Variants in SBK1 observed in about 807,000 individuals in gnomAD.
SBK1 encodes the protein serine/threonine-protein kinase SBK1.
SBK1 carries 11 observed loss-of-function variants against 24.4 expected under a neutral mutation model. The ratio of observed to expected loss-of-function variants is 0.45; its 90% CI spans 0.28 to 0.75. The LOEUF (loss-of-function observed/expected upper bound fraction) is 0.75. Ranked by LOEUF, SBK1 falls within the 30% of genes least tolerant of loss-of-function variation. SBK1 has a pLI of 0.12. For synonymous variants in SBK1, 308 were observed against 284.4 expected (o/e 1.08, Z -0.83); for missense variants, 467 against 620.5 (o/e 0.75, Z 2.63).
At chr16:28,284,423 C>G (rs1254306983) in intron 1 of SBK1, among the ~76,000 whole-genome samples, 1 of 152,236 alleles carries the variant, frequency 6.6e-6, no homozygotes, top group Non-Finnish European at 1.5e-5. Flanking sequence ...GCACACACCC[C>G]CATGGGCATG....
chr16:28,267,240 G>A (rs575602404), intron 1 of SBK1, among the ~76,000 whole-genome samples: 4 of 152,146 alleles, frequency 2.6e-5, no homozygotes, highest in Admixed American at 2.0e-4. Flanking sequence ...TGGGGTGGGG[G>A]GAGGCGGAGG....
At chr16:28,275,763 G>A (rs1261360440) in intron 1 of SBK1, among the ~76,000 whole-genome samples, 2 of 152,084 alleles carry the variant, frequency 1.3e-5, no homozygotes, top group Non-Finnish European at 2.9e-5. Context: ...TGTAGTAACA[G>A]CTACTCAGGA....
At chr16:28,309,029 T>G (rs72791859) in intron 1 of SBK1, among the ~76,000 whole-genome samples, 2,009 of 152,074 alleles carry the variant, frequency 0.013, 27 homozygotes, top group Admixed American at 0.022. Flanking sequence ...AGCCCCCATA[T>G]CCCAGCAGCC....
rs2141949086 is a variant in SBK1 at position 28,259,945 on chromosome 16, C to T, written c.257+443C>T. Among the ~76,000 whole-genome samples the T allele has an allele frequency of 6.6e-6, 1 of 150,566 alleles. No homozygotes were observed. Among genetic ancestry groups the T allele is most frequent in the African/African-American group, 2.5e-5 (1 of 39,986 alleles). Reference sequence around the variant, plus strand: ...CATCCAGGCCCAGCTGCAACGCTTCCTCCTTCAGGAAGCCCTCCTGGATGT... The same window carrying T: ...CATCCAGGCCCAGCTGCAACGCTTCTTCCTTCAGGAAGCCCTCCTGGATGT... On this transcript the variant is annotated intron_variant, in intron 1 of 3. Transcript: ENST00000671413. This position sits in a 1 kb window ranked among gnomAD's most constrained non-coding sequence, Gnocchi z 6.0.
intron 1 of SBK1, among the ~76,000 whole-genome samples, chr16:28,298,425 A>G (rs1214064455): frequency 1.3e-5 from 2 of 152,150 alleles, no homozygotes; most frequent in East Asian, 3.9e-4. Flanking sequence ...TGGGCCACCA[A>G]AGGTTTGTGT....
rs2044850340 is a variant in SBK1 at position 28,321,696 on chromosome 16, C to T, written c.*775C>T. On this transcript the variant is annotated 3_prime_UTR_variant, in exon 4 of 4. Coordinates refer to ENST00000341901, the MANE Select transcript of SBK1 (RefSeq NM_001024401.3). ...CACTGGCTGAGAAATAGAGCTCTCT[C>T]CCCGCCCCTCCCCCTAACCACAAGG... 1 of 152,626 alleles carries T rather than the reference C, an allele frequency of 6.6e-6. No homozygotes were observed. The highest frequency in any genetic ancestry group is 1.5e-5 in the Non-Finnish European group (1 of 68,094). 9.5% of individuals were successfully genotyped at this position (152,626 alleles called of 1,614,324 possible).
chr16:28,266,952 G>A (rs1380679821), intron 1 of SBK1, among the ~76,000 whole-genome samples: 1 of 151,842 alleles, frequency 6.6e-6, no homozygotes, highest in Non-Finnish European at 1.5e-5. Flanking sequence ...TGTCGCCCAG[G>A]CTGGAGTGCA....
intron 1 of SBK1, among the ~76,000 whole-genome samples, chr16:28,283,442 T>C (rs2044546079): frequency 2.6e-5 from 4 of 152,290 alleles, no homozygotes; most frequent in South Asian, 2.1e-4. Context: ...GGCCTCCTCC[T>C]CTGAGGGGTT....
intron 1 of SBK1, among the ~76,000 whole-genome samples, chr16:28,267,457 C>T (rs2044436468): frequency 6.6e-6 from 1 of 152,200 alleles, no homozygotes; most frequent in African/African-American, 2.4e-5. Context: ...CCTTCTCAAG[C>T]TTCTTAACCT....
At chr16:28,293,882 C>T (rs1310031737) in intron 1 of SBK1, among the ~76,000 whole-genome samples, 1 of 152,086 alleles carries the variant, frequency 6.6e-6, no homozygotes, top group East Asian at 1.9e-4. Context: ...GCGGTCTTTA[C>T]CTAAACCATA....
chr16:28,298,630 G>A (rs1250824115), intron 1 of SBK1, among the ~76,000 whole-genome samples: 7 of 152,252 alleles, frequency 4.6e-5, no homozygotes, highest in Non-Finnish European at 1.5e-5. Context: ...AGCAGGGCCT[G>A]CTGCTTAAGT....
intron 1 of SBK1, among the ~76,000 whole-genome samples, chr16:28,304,175 G>C (rs1253122832): frequency 6.6e-6 from 1 of 152,222 alleles, no homozygotes; most frequent in African/African-American, 2.4e-5. Context: ...CTGTCATTCA[G>C]AGTTTGGTCA....
At chr16:28,303,699 G>T (rs907306490) in intron 1 of SBK1, among the ~76,000 whole-genome samples, 8 of 151,716 alleles carry the variant, frequency 5.3e-5, no homozygotes, top group Admixed American at 3.9e-4. Context: ...AAAAAAATTT[G>T]TAGAGATGGG....
intron 1 of SBK1, among the ~76,000 whole-genome samples, chr16:28,272,619 C>CTTTCTTTTTTTTTTTTTTT (rs746450878): frequency 1.9e-5 from 2 of 105,966 alleles, no homozygotes; most frequent in African/African-American, 7.0e-5. Flanking sequence ...TTCTTTCTTT[C>CTTTCTTTTTTTTTTTTTTT]TTTTTTTTTT....
At chr16:28,318,100 A>G (rs572237452) in intron 2 of SBK1, among the ~76,000 whole-genome samples, 2 of 152,282 alleles carry the variant, frequency 1.3e-5, no homozygotes, top group East Asian at 3.9e-4. Flanking sequence ...AGGGAGACCT[A>G]GGCCAATTCA....
At chr16:28,304,624 T>C (rs2044702731) in intron 1 of SBK1, among the ~76,000 whole-genome samples, 1 of 152,192 alleles carries the variant, frequency 6.6e-6, no homozygotes, top group African/African-American at 2.4e-5. Context: ...TTGTTTTTTT[T>C]TGAGACGGAG....
chr16:28,294,277 G>A (rs1479043828), intron 1 of SBK1, among the ~76,000 whole-genome samples: 4 of 152,178 alleles, frequency 2.6e-5, no homozygotes. Context: ...CAGATCCTGA[G>A]AAGGGGCTGG....
intron 1 of SBK1, among the ~76,000 whole-genome samples, chr16:28,271,343 G>A (rs888986762): frequency 1.3e-5 from 2 of 152,184 alleles, no homozygotes; most frequent in African/African-American, 4.8e-5. Flanking sequence ...GATCACCTGA[G>A]GTCGGGAGTT....
At chr16:28,261,933 G>A (rs2044400279) in intron 1 of SBK1, among the ~76,000 whole-genome samples, 1 of 152,162 alleles carries the variant, frequency 6.6e-6, no homozygotes, top group Admixed American at 6.5e-5. Context: ...CCTGCCCTGG[G>A]AGTATGGTAG....
Sources: allele counts gnomAD v4.1 joint callset (sites outside exome capture counted in the v4.1 genomes callset), GRCh38; gene constraint gnomAD v4.1.1; non-coding constraint Gnocchi (gnomAD v3.1); transcripts MANE v1.5; gene names NCBI Gene and HGNC (gene_info 2026-07-23, HGNC 2026-07-21).